The following KIF2B variants were observed in gnomAD, a reference collection of about 807,000 sequenced individuals.
KIF2B encodes kinesin family member 2B.
Under a neutral mutation model 6.8 loss-of-function variants are expected in KIF2B, and 5 were observed. The observed-to-expected ratio is 0.74, with a 90% CI of 0.39 to 1.55. The LOEUF is 1.55. Ranked by LOEUF, KIF2B falls within the 40% of genes most tolerant of loss-of-function variation. The pLI, the probability that KIF2B is intolerant of heterozygous loss-of-function variation, is 0.03. For missense variants in KIF2B, 908 were observed against 831.3 expected (o/e 1.09, Z -1.13); for synonymous variants, 370 against 330.7 (o/e 1.12, Z -1.29).
rs986505349 is a variant in KIF2B, at chr17:53,823,563, A to T, written c.530A>T (p.Asp177Val). 1 of 1,613,366 alleles carries T rather than the reference A, an allele frequency of 6.2e-7. No individual in the cohort carries two copies. The highest frequency in any genetic ancestry group is 1.7e-5 in the Admixed American group (1 of 60,026). The change falls in exon 1 of 1, where the codon GAT becomes GTT. Residue 177 changes from aspartate (D) to valine (V), a missense_variant. Coordinates refer to ENST00000268919, the MANE Select transcript of KIF2B (RefSeq NM_032559.5). ...GAGATCCGAGCTAGACGCGCCCTCG[A>T]TGTCAATACCAGAAACCCCAACTAC... ...QQEIRARRAL[D>V]VNTRNPNYEI...
At position 53,824,630 on chromosome 17, in the gene KIF2B, A is replaced by ACTT; in HGVS notation, c.1598_1600dup (p.Thr533_Leu534insSer). Reference sequence around the variant, plus strand: ...GACCTCTTGTGAAAACACTCTCAACACTTTAAGATATGCAAACAGAGTAAA... The same window carrying ACTT: ...GACCTCTTGTGAAAACACTCTCAACACTTCTTTAAGATATGCAAACAGAGTAAA... On this transcript the variant is annotated inframe_insertion, in exon 1 of 1. Coordinates refer to ENST00000268919, the MANE Select transcript of KIF2B (RefSeq NM_032559.5). 6.2e-7 allele frequency: 1 copy of ACTT among 1,614,104 alleles called. No homozygotes were observed. Among genetic ancestry groups the ACTT allele is most frequent in the East Asian group, 2.2e-5 (1 of 44,860 alleles).
Position 53,824,925 on chromosome 17 carries a change from A to G in KIF2B, c.1892A>G (p.His631Arg). The change falls in exon 1 of 1, where the codon CAC becomes CGC. Residue 631 changes from histidine to arginine, a missense_variant. By Grantham distance (29) the His-to-Arg change is conservative (BLOSUM62 0). Coordinates refer to ENST00000268919, the MANE Select transcript of KIF2B (RefSeq NM_032559.5). ...ENIQERAGGV[H>R]HDIDFCIARS... ...ATCCAGGAGAGAGCTGGTGGAGTACACCATGATATTGATTTTTGCATTGCC... is the reference window on the plus strand; with the variant it reads ...ATCCAGGAGAGAGCTGGTGGAGTACGCCATGATATTGATTTTTGCATTGCC... 1 of 1,614,134 alleles carries G rather than the reference A, an allele frequency of 6.2e-7. No homozygotes were observed. The highest frequency in any genetic ancestry group is 8.5e-7 in the Non-Finnish European group (1 of 1,180,000).
At position 53,823,140 on chromosome 17, in the gene KIF2B, G is replaced by T. The variant is rs754482684; in HGVS notation, c.107G>T (p.Arg36Leu). The change falls in exon 1 of 1, where the codon CGC (arginine) becomes CTC (leucine). Residue 36 changes from arginine (R) to leucine (L), a missense_variant. Arg to Leu is a moderately radical substitution (Grantham distance 102). Coordinates refer to ENST00000268919, the MANE Select transcript of KIF2B (RefSeq NM_032559.5). Reference protein sequence around the residue: ...IQEGIYVAIQRSDKRIHLAVV... With the variant: ...IQEGIYVAIQLSDKRIHLAVV... ...GAGGGCATCTACGTGGCGATCCAGC[G>T]CAGTGACAAGCGGATCCACCTCGCT... 3 of 1,614,182 alleles carry T rather than the reference G, an allele frequency of 1.9e-6. No homozygotes were observed. Among genetic ancestry groups the T allele is most frequent in the South Asian group, 2.2e-5 (2 of 91,090 alleles).
rs759402324 is a variant in KIF2B at position 53,824,328 on chromosome 17, T to C, written c.1295T>C (p.Ile432Thr). The change falls in exon 1 of 1, where the codon ATC becomes ACC. Residue 432 changes from isoleucine (I) to threonine (T), a missense_variant. Transcript: ENST00000268919. ...SSRSHAVFQI[I>T]LKSGRIMHGK... ...AGGAGCCATGCAGTGTTCCAGATCATCCTGAAGTCAGGACGGATAATGCAT... is the reference window on the plus strand; with the variant it reads ...AGGAGCCATGCAGTGTTCCAGATCACCCTGAAGTCAGGACGGATAATGCAT... 1.9e-6 allele frequency: 3 copies of C among 1,613,988 alleles called. No homozygotes were observed. The highest frequency in any genetic ancestry group is 2.5e-6 in the Non-Finnish European group (3 of 1,180,036).
Position 53,823,997 on chromosome 17 carries a change from C to A in KIF2B, c.964C>A (p.Gln322Lys), listed in dbSNP as rs1008113239. 4 of 1,614,054 alleles carry A rather than the reference C, an allele frequency of 2.5e-6. No individual in the cohort carries two copies. The African/African-American group carries it at 5.3e-5, about 22-fold the overall frequency. Reference sequence around the variant, plus strand: ...GGGTGGAGACTTTTCAGGAACGGCCCAAGATTGTTCTAAGGGCATTTATGC... The same window carrying A: ...GGGTGGAGACTTTTCAGGAACGGCCAAAGATTGTTCTAAGGGCATTTATGC... Reference protein sequence around the residue: ...TMGGDFSGTAQDCSKGIYALV... With the variant: ...TMGGDFSGTAKDCSKGIYALV... Residue 322 changes from glutamine to lysine, a missense_variant, in exon 1 of 1, where the codon CAA (glutamine) becomes AAA (lysine). Coordinates refer to ENST00000268919, the MANE Select transcript of KIF2B (RefSeq NM_032559.5).
rs1386150190 is a variant in KIF2B, at chr17:53,825,050, G to C, written c.2017G>C (p.Glu673Gln). ...LADLHVKSKVE is the reference protein window; with the variant it reads ...LADLHVKSKVQ The stretch of plus-strand genomic sequence containing the variant: ...TGACCTCCACGTGAAGAGCAAGGTA[G>C]AGTGAAGCCAATGGCGAGAGATCAG... The change falls in exon 1 of 1, where the codon GAG becomes CAG. Residue 673 changes from glutamate (E) to glutamine (Q), a missense_variant. By Grantham distance (29) the Glu-to-Gln change is conservative. Transcript: ENST00000268919. The C allele has an allele frequency of 1.2e-6, 2 of 1,602,896 alleles. No individual in the cohort carries two copies. The highest frequency in any genetic ancestry group is 1.7e-6 in the Non-Finnish European group (2 of 1,174,550).
At position 53,824,448 on chromosome 17, in the gene KIF2B, A is replaced by T. The variant is rs1366239193; in HGVS notation, c.1415A>T (p.Asn472Ile). The change falls in exon 1 of 1, where the codon AAC becomes ATC. Residue 472 changes from asparagine to isoleucine, a missense_variant. Asn to Ile is a moderately radical substitution (Grantham distance 149). Coordinates refer to ENST00000268919, the MANE Select transcript of KIF2B (RefSeq NM_032559.5). ...RKRQLEGAEI[N>I]KSLLALKECI... The stretch of plus-strand genomic sequence containing the variant: ...AGGCAGCTGGAAGGGGCAGAGATTA[A>T]CAAGAGTCTTCTAGCCCTCAAAGAA... 1 of 1,614,120 alleles carries T rather than the reference A, an allele frequency of 6.2e-7. No homozygotes were observed.
Position 53,824,300 on chromosome 17 carries a change from T to C in KIF2B, c.1267T>C (p.Ser423Pro). 6.2e-7 allele frequency: 1 copy of C among 1,614,024 alleles called. No homozygotes were observed. The highest frequency in any genetic ancestry group is 1.1e-5 in the South Asian group (1 of 91,074). ...GCAAACACCTGTCAACGCTCACTCA[T>C]CCAGGAGCCATGCAGTGTTCCAGAT... The part of the protein sequence containing the change: ...SRQTPVNAHS[S>P]RSHAVFQIIL... The change falls in exon 1 of 1, where the codon TCC becomes CCC. Residue 423 changes from serine to proline, a missense_variant. Ser to Pro is a moderately conservative substitution (Grantham distance 74). Coordinates refer to ENST00000268919, the MANE Select transcript of KIF2B (RefSeq NM_032559.5).
Position 53,823,311 on chromosome 17 carries a change from C to A in KIF2B, c.278C>A (p.Pro93Gln), listed in dbSNP as rs747037102. ...TCTGCTGAACACCCCATGCCGCCCC[C>A]GCCCTTATCCCCCTTGGCTCTGGCG... Reference protein sequence around the residue: ...LDSAEHPMPPPPLSPLALAPS... With the variant: ...LDSAEHPMPPQPLSPLALAPS... Residue 93 changes from proline (P) to glutamine (Q), a missense_variant, in exon 1 of 1, where the codon CCG becomes CAG. Transcript: ENST00000268919. 1 of 1,614,188 alleles carries A rather than the reference C, an allele frequency of 6.2e-7. No homozygotes were observed. The highest frequency in any genetic ancestry group is 8.5e-7 in the Non-Finnish European group (1 of 1,180,036).
In KIF2B at chr17:53,824,930, G is replaced by C. The variant is rs759204622; in HGVS notation, c.1897G>C (p.Asp633His). Reference sequence around the variant, plus strand: ...GGAGAGAGCTGGTGGAGTACACCATGATATTGATTTTTGCATTGCCCGGTC... The same window carrying C: ...GGAGAGAGCTGGTGGAGTACACCATCATATTGATTTTTGCATTGCCCGGTC... The part of the protein sequence containing the change: ...IQERAGGVHH[D>H]IDFCIARSLS... The change falls in exon 1 of 1, where the codon GAT becomes CAT. Residue 633 changes from aspartate to histidine, a missense_variant. Physicochemically the swap from Asp to His is moderately conservative, Grantham distance 81. Coordinates refer to ENST00000268919, the MANE Select transcript of KIF2B (RefSeq NM_032559.5). 1 of 1,614,108 alleles carries C rather than the reference G, an allele frequency of 6.2e-7. No individual in the cohort carries two copies. Among genetic ancestry groups the C allele is most frequent in the Non-Finnish European group, 8.5e-7 (1 of 1,179,996 alleles).
rs1369485317 is a variant in KIF2B, at chr17:53,823,865, T to C, written c.832T>C (p.Leu278=). The change falls in exon 1 of 1, where the codon TTG becomes CTG. Residue 278 remains leucine, a synonymous_variant. Coordinates refer to ENST00000268919, the MANE Select transcript of KIF2B (RefSeq NM_032559.5). Reference sequence around the variant, plus strand: ...CTTCGATGACAAAGCCTCCAACGAGTTGGTGTACCAGTTCACCGCCCAGCC... The same window carrying C: ...CTTCGATGACAAAGCCTCCAACGAGCTGGTGTACCAGTTCACCGCCCAGCC... ...HAFDDKASNE[L]VYQFTAQPLV... 4 of 1,614,152 alleles carry C rather than the reference T, an allele frequency of 2.5e-6. No individual in the cohort carries two copies. The highest frequency in any genetic ancestry group is 1.3e-5 in the African/African-American group (1 of 75,026).
chr17:53,823,084 ACCCTTGAAG>A lies in KIF2B; in HGVS notation c.54_62del (p.Leu19_Pro21del), dbSNP rs1396212415. 2 of 1,613,414 alleles carry A rather than the reference ACCCTTGAAG, an allele frequency of 1.2e-6. No individual in the cohort carries two copies. The highest frequency in any genetic ancestry group is 2.2e-5 in the East Asian group (1 of 44,830). On this transcript the variant is annotated inframe_deletion, in exon 1 of 1. Coordinates refer to ENST00000268919, the MANE Select transcript of KIF2B (RefSeq NM_032559.5). Reference sequence around the variant, plus strand: ...AATCCCCATGTCTCTCGCCCCTGAAACCCTTGAAGCCACATTTCGGAGACATCCAAGAGG... The same window carrying A: ...AATCCCCATGTCTCTCGCCCCTGAAACCACATTTCGGAGACATCCAAGAGG...
In KIF2B at chr17:53,823,065, C is replaced by T. The variant is rs764750707; in HGVS notation, c.32C>T (p.Pro11Leu). The change falls in exon 1 of 1, where the codon CCA (proline) becomes CTA (leucine). Residue 11 changes from proline (P) to leucine (L), a missense_variant. Transcript: ENST00000268919. The part of the protein sequence containing the change: MASQFCLPES[P>L]CLSPLKPLKP... Reference sequence around the variant, plus strand: ...AGCCAGTTCTGCCTCCCTGAATCCCCATGTCTCTCGCCCCTGAAACCCTTG... The same window carrying T: ...AGCCAGTTCTGCCTCCCTGAATCCCTATGTCTCTCGCCCCTGAAACCCTTG... 5 of 1,614,090 alleles carry T rather than the reference C, an allele frequency of 3.1e-6. No individual in the cohort carries two copies. In the Admixed American group the frequency reaches 8.3e-5, roughly 27 times the overall value.
chr17:53,822,933 T>C lies in KIF2B; in HGVS notation c.-101T>C, dbSNP rs957476820. On this transcript the variant is annotated 5_prime_UTR_variant, in exon 1 of 1. Transcript: ENST00000268919. ...TAGGCTCACAAAGGCAGGCACAGACTGCAACCCTGCTCAGTGCTCCGGGCG... is the reference window on the plus strand; with the variant it reads ...TAGGCTCACAAAGGCAGGCACAGACCGCAACCCTGCTCAGTGCTCCGGGCG... The C allele has an allele frequency of 1.4e-5, 15 of 1,076,942 alleles. No homozygotes were observed. The allele number at this position is 1,076,942 out of a possible 1,614,324, so 66.7% of individuals were successfully genotyped here. A position where few individuals can be genotyped will look rare whatever the true frequency, so the allele number is the denominator to read the frequency against.
In KIF2B at chr17:53,823,876, G is replaced by A. The variant is rs2143782294; in HGVS notation, c.843G>A (p.Gln281=). 6.2e-7 allele frequency: 1 copy of A among 1,614,254 alleles called. No individual in the cohort carries two copies. Among genetic ancestry groups the A allele is most frequent in the Non-Finnish European group, 8.5e-7 (1 of 1,180,048 alleles). ...AAGCCTCCAACGAGTTGGTGTACCA[G>A]TTCACCGCCCAGCCACTGGTGGAGT... ...DDKASNELVY[Q]FTAQPLVESI... is the part of the protein sequence containing the mutation. Residue 281 remains glutamine (Q), a synonymous_variant, in exon 1 of 1, where the codon CAG becomes CAA. Coordinates refer to ENST00000268919, the MANE Select transcript of KIF2B (RefSeq NM_032559.5).
Position 53,823,521 on chromosome 17 carries a change from G to T in KIF2B, c.488G>T (p.Arg163Leu). The T allele has an allele frequency of 6.2e-7, 1 of 1,613,892 alleles. No homozygotes were observed. Among genetic ancestry groups the T allele is most frequent in the South Asian group, 1.1e-5 (1 of 91,080 alleles). The change falls in exon 1 of 1, where the codon CGC (arginine) becomes CTC (leucine). Residue 163 changes from arginine to leucine, a missense_variant. Coordinates refer to ENST00000268919, the MANE Select transcript of KIF2B (RefSeq NM_032559.5). ...AAACTGCAGGAGCAGCGGGAAAAGC[G>T]CAGGCGGCTGCAGCAGGAGATCCGA... is the stretch of plus-strand genomic sequence containing the variant. ...IQKLQEQREKRRRLQQEIRAR... is the reference protein window; with the variant it reads ...IQKLQEQREKLRRLQQEIRAR...
Position 53,823,744 on chromosome 17 carries a change from C to G in KIF2B, c.711C>G (p.Thr237=), listed in dbSNP as rs1037680222. ...ETTLKDLDII[T]VPSDNVVMVH... ...CCTTAAAGGACCTGGATATCATCAC[C>G]GTCCCCTCGGACAATGTGGTTATGG... Residue 237 remains threonine, a synonymous_variant, in exon 1 of 1, where the codon ACC becomes ACG. Coordinates refer to ENST00000268919, the MANE Select transcript of KIF2B (RefSeq NM_032559.5). 6.2e-7 allele frequency: 1 copy of G among 1,614,220 alleles called. No homozygotes were observed. Among genetic ancestry groups the G allele is most frequent in the Non-Finnish European group, 8.5e-7 (1 of 1,180,038 alleles).
Position 53,823,615 on chromosome 17 carries a change from T to C in KIF2B, c.582T>C (p.Tyr194=). Residue 194 remains tyrosine (Y), a synonymous_variant, in exon 1 of 1, where the codon TAT becomes TAC. Coordinates refer to ENST00000268919, the MANE Select transcript of KIF2B (RefSeq NM_032559.5). ...NYEIMHMIEE[Y]RRHLDSSKIS... is the part of the protein sequence containing the mutation. ...AAATCATGCACATGATCGAAGAGTATCGCAGGCACCTGGACAGCAGCAAGA... is the reference window on the plus strand; with the variant it reads ...AAATCATGCACATGATCGAAGAGTACCGCAGGCACCTGGACAGCAGCAAGA... 1 of 1,613,324 alleles carries C rather than the reference T, an allele frequency of 6.2e-7. No individual in the cohort carries two copies. Among genetic ancestry groups the C allele is most frequent in the African/African-American group, 1.3e-5 (1 of 75,018 alleles).
rs901128628 is a variant in KIF2B, at chr17:53,824,279, A to G, written c.1246A>G (p.Thr416Ala). 2 of 1,613,962 alleles carry G rather than the reference A, an allele frequency of 1.2e-6. No homozygotes were observed. Among genetic ancestry groups the G allele is most frequent in the African/African-American group, 2.7e-5 (2 of 74,880 alleles). Residue 416 changes from threonine to alanine, a missense_variant, in exon 1 of 1, where the codon ACA (threonine) becomes GCA (alanine). Physicochemically the swap from Thr to Ala is moderately conservative, Grantham distance 58 (BLOSUM62 0). Coordinates refer to ENST00000268919, the MANE Select transcript of KIF2B (RefSeq NM_032559.5). The stretch of plus-strand genomic sequence containing the variant: ...GAATAGCTGTCGGACTTCCAGGCAA[A>G]CACCTGTCAACGCTCACTCATCCAG... Reference protein sequence around the residue: ...IGNSCRTSRQTPVNAHSSRSH... With the variant: ...IGNSCRTSRQAPVNAHSSRSH...
Sources: allele counts gnomAD v4.1 joint callset, GRCh38; gene constraint gnomAD v4.1.1; transcripts MANE v1.5; gene names NCBI Gene and HGNC (gene_info 2026-07-23, HGNC 2026-07-21).